The following SLC39A11 variants were observed in gnomAD, a reference collection of about 807,000 sequenced individuals.
The protein encoded by SLC39A11 is solute carrier family 39 member 11.
SLC39A11 carries 33 observed loss-of-function variants against 36.1 expected under a neutral mutation model. That is an observed-to-expected ratio of 0.91 (90% CI 0.69 to 1.22). SLC39A11 has a LOEUF of 1.22. SLC39A11 is among the 50% of genes most tolerant of loss of function. The probability of loss-of-function intolerance (pLI) is 0.00; values close to 1 mark genes in which losing one functional copy is unlikely to be tolerated. For missense variants in SLC39A11, 432 were observed against 430.3 expected, an observed-to-expected ratio of 1.00 and a Z score of -0.03; for synonymous variants, 166 against 170.3, an observed-to-expected ratio of 0.97 and a Z score of 0.20.
At chr17:72,748,414 A>T (rs1183538247) in intron 6 of SLC39A11, among the ~76,000 whole-genome samples, 2 of 152,198 alleles carry the variant, frequency 1.3e-5, no homozygotes, top group Non-Finnish European at 2.9e-5. Flanking sequence ...TCCCCTTTGT[A>T]ACTAAAATAA....
At chr17:72,916,783 C>T (rs117346792) in intron 5 of SLC39A11, among the ~76,000 whole-genome samples, 3,957 of 152,214 alleles carry the variant, frequency 0.026, 74 homozygotes, top group East Asian at 0.077. Context: ...AAGGCTTCCC[C>T]ATCTCCCTCC....
intron 6 of SLC39A11, among the ~76,000 whole-genome samples, chr17:72,803,639 C>T (rs536495551): frequency 2.6e-5 from 4 of 152,300 alleles, no homozygotes; most frequent in African/African-American, 7.2e-5. Flanking sequence ...GAGATGACTC[C>T]GCTCCAGCCA....
intron 6 of SLC39A11, among the ~76,000 whole-genome samples, chr17:72,750,493 A>C (rs1040899921): frequency 8.1e-6 from 1 of 123,424 alleles, no homozygotes; most frequent in African/African-American, 3.1e-5. Flanking sequence ...GGCCTAAAAA[A>C]ACTGGAGGAA....
At chr17:72,947,558 A>G (rs933655179) in intron 5 of SLC39A11, 194 bp downstream of exon 5, 8 of 762,578 alleles carry the variant, frequency 1.0e-5, no homozygotes, top group African/African-American at 1.0e-4. Flanking sequence ...GGTTTGGACA[A>G]CAAATGAGAA....
At chr17:73,052,178 G>GAAA (rs11455533) in intron 3 of SLC39A11, among the ~76,000 whole-genome samples, 2 of 148,508 alleles carry the variant, frequency 1.3e-5, no homozygotes, top group African/African-American at 5.0e-5. Flanking sequence ...ATCAACCCCA[G>GAAA]AAAAAAAAAA....
At chr17:72,690,129 T>C (rs1037089394) in intron 7 of SLC39A11, among the ~76,000 whole-genome samples, 1 of 152,208 alleles carries the variant, frequency 6.6e-6, no homozygotes, top group Non-Finnish European at 1.5e-5. Flanking sequence ...GAGGCCCATC[T>C]GTACCCAGGC....
intron 6 of SLC39A11, among the ~76,000 whole-genome samples, chr17:72,741,962 G>A (rs2074725373): frequency 6.6e-6 from 1 of 152,306 alleles, no homozygotes; most frequent in African/African-American, 2.4e-5. Context: ...AGCACTTTGG[G>A]AGGCCGAGGT....
chr17:72,805,181 T>C (rs72847904), intron 6 of SLC39A11, among the ~76,000 whole-genome samples: 11,720 of 152,182 alleles, frequency 0.077, 524 homozygotes, highest in African/African-American at 0.12. Context: ...GGCATGTGGG[T>C]TGGTGGGGGC....
At position 72,774,591 on chromosome 17, in the gene SLC39A11, G is replaced by A. The variant is rs559760188; in HGVS notation, c.602-37872C>T. On this transcript the variant is annotated intron_variant, in intron 6 of 9. Transcript: ENST00000255559. ...TCACCAAATAAAGGTAAACAGACTCGTCTGAAGTCATGCCTGGAGGGGGAC... is the reference window on the plus strand; with the variant it reads ...TCACCAAATAAAGGTAAACAGACTCATCTGAAGTCATGCCTGGAGGGGGAC... Among the ~76,000 whole-genome samples the A allele has an allele frequency of 3.9e-5, 6 of 152,170 alleles. No homozygotes were observed. In the South Asian group the frequency reaches 6.2e-4, roughly 16 times the overall value.
At chr17:73,067,615 G>C (rs1233548426) in intron 3 of SLC39A11, among the ~76,000 whole-genome samples, 1 of 152,104 alleles carries the variant, frequency 6.6e-6, no homozygotes, top group Admixed American at 6.5e-5. Flanking sequence ...CAGATCTGCA[G>C]CAATAATAGT....
At chr17:73,040,072 C>T (rs1411186233) in intron 3 of SLC39A11, among the ~76,000 whole-genome samples, 5 of 152,162 alleles carry the variant, frequency 3.3e-5, no homozygotes, top group African/African-American at 4.8e-5. Flanking sequence ...TGAATGCAAT[C>T]GATCCCATAG....
At chr17:72,684,870 G>A (rs753090892) in intron 7 of SLC39A11, among the ~76,000 whole-genome samples, 17 of 152,286 alleles carry the variant, frequency 1.1e-4, no homozygotes, top group Non-Finnish European at 2.4e-4. Context: ...GAAGTTGTCA[G>A]CATATCTGGG....
chr17:72,940,642 GCATAGTCTGCATTCC>G (rs1433293669), intron 5 of SLC39A11, among the ~76,000 whole-genome samples: 2 of 152,058 alleles, frequency 1.3e-5, no homozygotes, highest in Admixed American at 6.6e-5. Flanking sequence ...TTTTCATCCT[GCATAGTCTGCATTCC>G]CAGCCCATGC....
intron 4 of SLC39A11, among the ~76,000 whole-genome samples, chr17:72,988,359 G>A (rs1045670862): frequency 1.3e-5 from 2 of 152,170 alleles, no homozygotes; most frequent in Non-Finnish European, 2.9e-5. Flanking sequence ...TACTTTGGAG[G>A]CTGAGGCATG....
At chr17:72,741,226 T>TA (rs1265132856) in intron 6 of SLC39A11, among the ~76,000 whole-genome samples, 1 of 152,102 alleles carries the variant, frequency 6.6e-6, no homozygotes, top group Non-Finnish European at 1.5e-5. Context: ...TTTTAATTTT[T>TA]AAAAAAGTTT....
chr17:72,805,724 G>A (rs1319471635), intron 6 of SLC39A11, among the ~76,000 whole-genome samples: 1 of 151,834 alleles, frequency 6.6e-6, no homozygotes, highest in African/African-American at 2.4e-5. Context: ...ATGTGGCTCA[G>A]AGTTAATTTT....
intron 7 of SLC39A11, among the ~76,000 whole-genome samples, chr17:72,683,263 T>A (rs1261958067): frequency 6.6e-6 from 1 of 151,206 alleles, no homozygotes; most frequent in African/African-American, 2.4e-5. Flanking sequence ...TACACCCCCA[T>A]GGAAGAAGGA....
intron 3 of SLC39A11, among the ~76,000 whole-genome samples, chr17:73,045,470 T>G (rs1295410760): frequency 6.9e-6 from 1 of 145,448 alleles, no homozygotes; most frequent in Non-Finnish European, 1.5e-5. Context: ...TTTTTCCAAG[T>G]GCAACTCAGC....
chr17:72,689,711 G>A (rs563685979), intron 7 of SLC39A11, among the ~76,000 whole-genome samples: 156 of 152,276 alleles, frequency 1.0e-3, no homozygotes, highest in Middle Eastern at 3.4e-3. Context: ...CATATTGTAC[G>A]ATTCCACTGA....
Sources: gnomAD v4.1 joint callset for allele counts (sites outside exome capture counted in the v4.1 genomes callset) on GRCh38, gnomAD v4.1.1 for gene constraint, MANE v1.5 for transcripts, NCBI Gene and HGNC (gene_info 2026-07-23, HGNC 2026-07-21) for gene names.